The following MRPL39 variants were observed in gnomAD, a reference collection of about 807,000 sequenced individuals.
The protein encoded by MRPL39 is mitochondrial ribosomal protein L39.
A neutral mutation model predicts 44.5 loss-of-function variants in MRPL39; 35 were observed. The observed-to-expected ratio is 0.79, with a 90% CI of 0.60 to 1.04. The LOEUF is 1.04. Ranked by LOEUF, MRPL39 falls within the 50% of genes least tolerant of loss-of-function variation. The pLI is 0.00. For synonymous variants in MRPL39, 139 were observed against 136.1 expected (o/e 1.02, Z -0.15); for missense variants, 433 against 413.5 (o/e 1.05, Z -0.41).
At position 25,603,919 on chromosome 21, in the gene MRPL39, A is replaced by G. The variant is rs2031592780; in HGVS notation, c.297T>C (p.Tyr99=). 2 of 1,609,062 alleles carry G rather than the reference A, an allele frequency of 1.2e-6. No homozygotes were observed. The highest frequency in any genetic ancestry group is 1.7e-6 in the Non-Finnish European group (2 of 1,178,700). The change falls in exon 3 of 10, where the codon TAT becomes TAC. Residue 99 remains tyrosine (Y), a synonymous_variant. Coordinates refer to ENST00000352957, the MANE Select transcript of MRPL39 (RefSeq NM_017446.4). ...YSCAMHLSEW[Y]CRKSILALVD... The stretch of plus-strand genomic sequence containing the variant: ...CCAGAGCCAGAATGGACTTCCTGCA[A>G]TACCACTCGCTTAAATCTAGAAATT...
intron 4 of MRPL39, among the ~76,000 whole-genome samples, chr21:25,601,131 T>G (rs996384347): frequency 6.6e-6 from 1 of 152,004 alleles, no homozygotes; most frequent in Admixed American, 6.6e-5. Flanking sequence ...AACGCTGAGA[T>G]AGTGGAATTC....
At chr21:25,607,287 G>C (rs2031710756) in intron 1 of MRPL39, 116 bp downstream of exon 1, 2 of 1,141,288 alleles carry the variant, frequency 1.8e-6, no homozygotes, top group Non-Finnish European at 2.6e-6. Context: ...GAGGGACTAA[G>C]AAACCCTCCT....
intron 6 of MRPL39, among the ~76,000 whole-genome samples, chr21:25,596,164 C>A (rs9976962): frequency 0.71 from 106,858 of 151,374 alleles, 38,944 homozygotes; most frequent in Non-Finnish European, 0.82. Flanking sequence ...AGTGGCGCCA[C>A]CTAGGCTCAC....
intron 6 of MRPL39, among the ~76,000 whole-genome samples, chr21:25,594,182 T>C (rs1004871308): frequency 9.9e-5 from 15 of 152,032 alleles, no homozygotes; most frequent in Admixed American, 9.2e-4. Flanking sequence ...TGGTCCTCAT[T>C]TTCTTAATAC....
chr21:25,592,020 A>G (rs191559712), intron 8 of MRPL39, among the ~76,000 whole-genome samples: 38 of 152,352 alleles, frequency 2.5e-4, no homozygotes, highest in African/African-American at 8.4e-4. Flanking sequence ...ATGTACTCGG[A>G]TGAAATCTCC....
intron 8 of MRPL39, among the ~76,000 whole-genome samples, chr21:25,591,423 T>C (rs943246193): frequency 6.6e-6 from 1 of 151,900 alleles, no homozygotes; most frequent in Non-Finnish European, 1.5e-5. Flanking sequence ...ACTACATATC[T>C]AACAAAAAAC....
intron 9 of MRPL39, among the ~76,000 whole-genome samples, chr21:25,586,638 T>C (rs1316596283): frequency 1.3e-5 from 2 of 152,236 alleles, no homozygotes; most frequent in South Asian, 2.1e-4. Context: ...ACTGACTCTT[T>C]ACCTATCCTA....
At chr21:25,599,709 G>C in intron 5 of MRPL39, 90 bp downstream of exon 5, 1 of 1,018,746 alleles carries the variant, frequency 9.8e-7, no homozygotes, top group Non-Finnish European at 1.5e-6. Context: ...TTCTCAACAT[G>C]CAGTACCATT....
chr21:25,586,255 A>G (rs899842960), intron 9 of MRPL39, among the ~76,000 whole-genome samples: 1 of 152,134 alleles, frequency 6.6e-6, no homozygotes, highest in Admixed American at 6.5e-5. Flanking sequence ...TGCATCATCT[A>G]TCTTGGTAAA....
At chr21:25,598,055 C>A (rs998141916) in intron 5 of MRPL39, among the ~76,000 whole-genome samples, 9 of 151,928 alleles carry the variant, frequency 5.9e-5, no homozygotes, top group Admixed American at 1.3e-4. Flanking sequence ...ACAGAAAAAA[C>A]CAAGCACTAT....
chr21:25,606,455 C>G lies in MRPL39; in HGVS notation c.274G>C (p.Ala92Pro). The G allele has an allele frequency of 6.2e-7, 1 of 1,600,252 alleles. No individual in the cohort carries two copies. Among genetic ancestry groups the G allele is most frequent in the Non-Finnish European group, 8.5e-7 (1 of 1,172,684 alleles). The change falls in exon 2 of 10, where the codon GCC becomes CCC. Residue 92 changes from alanine to proline, a missense_variant. Coordinates refer to ENST00000352957, the MANE Select transcript of MRPL39 (RefSeq NM_017446.4). ...NKNISTPYSC[A>P]MHLSEWYCRK... The stretch of plus-strand genomic sequence containing the variant: ...ACCTGATTCTGCTACTTACGCATGG[C>G]ACAACTGTAGGGAGTTGAAATGTTT...
intron 8 of MRPL39, among the ~76,000 whole-genome samples, chr21:25,592,512 C>A (rs988752999): frequency 6.6e-6 from 1 of 152,118 alleles, no homozygotes; most frequent in Admixed American, 6.5e-5. Context: ...AAAAGGCATT[C>A]CAGGAAGTCT....
At chr21:25,591,146 T>C (rs1159080020) in intron 8 of MRPL39, among the ~76,000 whole-genome samples, 4 of 142,622 alleles carry the variant, frequency 2.8e-5, no homozygotes. Flanking sequence ...TAACTCAAAA[T>C]GGACCACAGA....
At chr21:25,589,391 A>G (rs1032479588) in intron 8 of MRPL39, among the ~76,000 whole-genome samples, 1 of 151,750 alleles carries the variant, frequency 6.6e-6, no homozygotes, top group Non-Finnish European at 1.5e-5. Flanking sequence ...ACCCTAAAGA[A>G]TAAGTAAAAC....
At chr21:25,588,990 G>T in intron 8 of MRPL39, 108 bp from the exon 9 acceptor site, 1 of 952,814 alleles carries the variant, frequency 1.0e-6, no homozygotes, top group South Asian at 1.7e-5. Context: ...AAGCTAGGCA[G>T]TACTAATTTA....
Position 25,591,077 on chromosome 21 carries a change from C to G in MRPL39, c.921+1735G>C, listed in dbSNP as rs1238832674. Among the ~76,000 whole-genome samples the G allele has an allele frequency of 1.8e-4, 6 of 33,280 alleles. No individual in the cohort carries two copies. The East Asian group carries it at 5.3e-3, about 29-fold the overall frequency. The allele number at this position is 33,280 out of a possible 152,430, so 21.8% of individuals were successfully genotyped here. A position where few individuals can be genotyped will look rare whatever the true frequency, so the allele number is the denominator to read the frequency against. On this transcript the variant is annotated intron_variant, in intron 8 of 9. Transcript: ENST00000352957. Reference sequence around the variant, plus strand: ...TTGGAGCAATCTGACATCTATAGCCCACAAAAAAAAAAAAAAAAAAAAAAA... The same window carrying G: ...TTGGAGCAATCTGACATCTATAGCCGACAAAAAAAAAAAAAAAAAAAAAAA...
chr21:25,607,468 G>A lies in MRPL39; in HGVS notation c.8C>T (p.Ala3Val), dbSNP rs759523338. ...CAGCGCCCGGGAACCCATGGCCAGC[G>A]CCTCCATAGCAGCGGTGAGAACCGT... ME[A>V]LAMGSRALRL... is the part of the protein sequence containing the mutation. The change falls in exon 1 of 10, where the codon GCG becomes GTG. Residue 3 changes from alanine to valine, a missense_variant. Transcript: ENST00000352957. 7 of 1,611,798 alleles carry A rather than the reference G, an allele frequency of 4.3e-6. No homozygotes were observed. The highest frequency in any genetic ancestry group is 1.3e-5 in the African/African-American group (1 of 74,914).
rs772026006 is a variant in MRPL39 at position 25,606,655 on chromosome 21, C to T, written c.74G>A (p.Arg25Lys). 2.5e-6 allele frequency: 4 copies of T among 1,606,656 alleles called. No individual in the cohort carries two copies. In the Admixed American group the frequency reaches 6.7e-5, roughly 27 times the overall value. The change falls in exon 2 of 10, where the codon AGA (arginine) becomes AAA (lysine). Residue 25 changes from arginine to lysine, a missense_variant and splice_region_variant. Coordinates refer to ENST00000352957, the MANE Select transcript of MRPL39 (RefSeq NM_017446.4). ...AGAAGCTGACGATGTTGCTATAAAT[C>T]CTGTGGAGAAGTTACAATAAATATG... Reference protein sequence around the residue: ...LVAPGGGIKWRFIATSSASQL... With the variant: ...LVAPGGGIKWKFIATSSASQL...
intron 6 of MRPL39, among the ~76,000 whole-genome samples, chr21:25,596,144 G>T (rs1160900703): frequency 6.6e-6 from 1 of 151,974 alleles, no homozygotes; most frequent in African/African-American, 2.4e-5. Context: ...TTTCGCCCAG[G>T]CCGGACTGCA....
Sources: allele counts gnomAD v4.1 joint callset (sites outside exome capture counted in the v4.1 genomes callset), GRCh38; gene constraint gnomAD v4.1.1; transcripts MANE v1.5; gene names NCBI Gene and HGNC (gene_info 2026-07-23, HGNC 2026-07-21).